Variants in DDHD1 observed in about 807,000 individuals in gnomAD.
The protein encoded by DDHD1 is DDHD domain containing 1.
In DDHD1, 49 loss-of-function variants were observed where a neutral mutation model predicts 96.4. The ratio of observed to expected loss-of-function variants is 0.51; its 90% confidence interval spans 0.40 to 0.64. DDHD1 has a LOEUF of 0.64. Among genes scored for constraint, DDHD1 ranks in the 30% least tolerant of loss-of-function variants. DDHD1 has a pLI of 0.00. For synonymous variants in DDHD1, 442 were observed against 446.5 expected, an observed-to-expected ratio of 0.99 and a Z score of 0.13; for missense variants, 1,106 against 1,161.2, an observed-to-expected ratio of 0.95 and a Z score of 0.69.
chr14:53,142,107 T>C (rs1212598607), intron 1 of DDHD1, among the ~76,000 whole-genome samples: 1 of 152,110 alleles, frequency 6.6e-6, no homozygotes, highest in Non-Finnish European at 1.5e-5. Flanking sequence ...TGATCCCCAT[T>C]TACAAAGGAG....
At chr14:53,091,993 ATGTT>A in intron 3 of DDHD1, 61 bp from the exon 4 acceptor site, 1 of 1,490,740 alleles carries the variant, frequency 6.7e-7, no homozygotes, top group South Asian at 1.3e-5. Flanking sequence ...TTTCCACAAT[ATGTT>A]AAAAGAAAAA....
At position 53,094,168 on chromosome 14, in the gene DDHD1, C is replaced by T. The variant is rs577536502; in HGVS notation, c.1013-724G>A. Among the ~76,000 whole-genome samples, 9 of 149,868 alleles carry T rather than the reference C, an allele frequency of 6.0e-5. No individual in the cohort carries two copies. The South Asian group carries it at 1.9e-3, about 31-fold the overall frequency. ...CTCCCGCCTGGGCTACAGAGCAAGACTCCGTCTAAAAAAAAAAAAGAAAAA... is the reference window on the plus strand; with the variant it reads ...CTCCCGCCTGGGCTACAGAGCAAGATTCCGTCTAAAAAAAAAAAAGAAAAA... On this transcript the variant is annotated intron_variant, in intron 2 of 12. Transcript: ENST00000673822.
At position 53,114,130 on chromosome 14, in the gene DDHD1, AGCGGG is replaced by A. The variant is rs1888358386; in HGVS notation, c.839-10279_839-10275del. On this transcript the variant is annotated intron_variant, in intron 1 of 12. Transcript: ENST00000673822. ...GTCTGGACTGGGCGGAATTCACCACAGCGGGGCAAAGCGGCTGTCACCAGACTGCC... is the reference window on the plus strand; with the variant it reads ...GTCTGGACTGGGCGGAATTCACCACAGCAAAGCGGCTGTCACCAGACTGCC... Among the ~76,000 whole-genome samples the A allele has an allele frequency of 5.9e-5, 9 of 152,324 alleles. No homozygotes were observed. The South Asian group carries it at 1.9e-3, about 32-fold the overall frequency.
intron 1 of DDHD1, among the ~76,000 whole-genome samples, chr14:53,139,174 T>C (rs975953983): frequency 1.3e-5 from 2 of 151,450 alleles, no homozygotes; most frequent in East Asian, 1.9e-4. Flanking sequence ...AGAACATTCA[T>C]GGCTGGGGTC....
At chr14:53,133,754 T>C (rs542032074) in intron 1 of DDHD1, among the ~76,000 whole-genome samples, 2 of 152,252 alleles carry the variant, frequency 1.3e-5, no homozygotes, top group African/African-American at 2.4e-5. Flanking sequence ...TCCAGCAAGC[T>C]ACACAGGAAA....
intron 1 of DDHD1, among the ~76,000 whole-genome samples, chr14:53,121,174 G>GA (rs372752068): frequency 2.4e-4 from 37 of 151,798 alleles, no homozygotes; most frequent in African/African-American, 8.0e-4. Context: ...CAAAAAACAT[G>GA]AAAAAAAAGT....
In DDHD1 at chr14:53,080,122, G is replaced by C. The variant is rs184528248; in HGVS notation, c.1290-6275C>G. Among the ~76,000 whole-genome samples, 947 of 152,292 alleles carry C rather than the reference G, an allele frequency of 6.2e-3. 17 individuals carry two copies. Among genetic ancestry groups the C allele is most frequent in the African/African-American group, 0.022 (899 of 41,552 alleles). On this transcript the variant is annotated intron_variant, in intron 4 of 12. Transcript: ENST00000673822. The stretch of plus-strand genomic sequence containing the variant: ...CGCCTGTAATCCCAGCACTTTGGGA[G>C]GCCAAGGCAGGCAGATCACTTGAGG...
chr14:53,142,659 G>A (rs1002829602), intron 1 of DDHD1, among the ~76,000 whole-genome samples: 1 of 152,200 alleles, frequency 6.6e-6, no homozygotes, highest in African/African-American at 2.4e-5. Context: ...AGATGCTCAA[G>A]AATTTAGAAT....
intron 1 of DDHD1, among the ~76,000 whole-genome samples, chr14:53,149,373 A>G (rs560228145): frequency 3.3e-4 from 50 of 152,222 alleles, no homozygotes; most frequent in Non-Finnish European, 6.3e-4. Context: ...CACTAACCAG[A>G]CAGTTTCCAA....
intron 1 of DDHD1, among the ~76,000 whole-genome samples, chr14:53,109,633 G>A (rs927049653): frequency 6.6e-6 from 1 of 152,094 alleles, no homozygotes; most frequent in Non-Finnish European, 1.5e-5. Context: ...TACAGCTTTT[G>A]GGGAGGACAT....
In DDHD1 at chr14:53,038,473, T is replaced by G. The variant is rs1030769437; in HGVS notation, c.*8295A>C. ...TACACCTAACCAAGGAGGTGAAAGA[T>G]CTCTACAAGGAGAACTACAAAACAT... On this transcript the variant is annotated 3_prime_UTR_variant, in exon 13 of 13. Coordinates refer to ENST00000673822, the MANE Select transcript of DDHD1 (RefSeq NM_001160148.2). 1 of 151,892 alleles carries G rather than the reference T, an allele frequency of 6.6e-6. No individual in the cohort carries two copies. Among genetic ancestry groups the G allele is most frequent in the Non-Finnish European group, 1.5e-5 (1 of 67,978 alleles). 9.4% of individuals were successfully genotyped at this position (151,892 alleles called of 1,614,324 possible).
At chr14:53,047,851 C>A (rs914741092) in intron 12 of DDHD1, among the ~76,000 whole-genome samples, 32 of 152,178 alleles carry the variant, frequency 2.1e-4, no homozygotes, top group Non-Finnish European at 7.3e-5. Context: ...TCCTTAGGAA[C>A]TCCTTTAAAC....
At chr14:53,095,798 T>A (rs1319722865) in intron 2 of DDHD1, among the ~76,000 whole-genome samples, 1 of 152,188 alleles carries the variant, frequency 6.6e-6, no homozygotes, top group Non-Finnish European at 1.5e-5. Flanking sequence ...AAAATAGTTG[T>A]GAGCAACAGA....
chr14:53,058,244 C>G (rs1263411441), intron 9 of DDHD1, among the ~76,000 whole-genome samples: 1 of 152,184 alleles, frequency 6.6e-6, no homozygotes, highest in African/African-American at 2.4e-5. Context: ...TCAAGTGATT[C>G]TCCTGCCTTA....
At chr14:53,122,974 A>G (rs1478920227) in intron 1 of DDHD1, among the ~76,000 whole-genome samples, 1 of 152,056 alleles carries the variant, frequency 6.6e-6, no homozygotes, top group Non-Finnish European at 1.5e-5. Context: ...ATAGTTAACA[A>G]AACTATAATG....
At chr14:53,068,939 C>T (rs1191073143) in intron 6 of DDHD1, among the ~76,000 whole-genome samples, 6 of 152,186 alleles carry the variant, frequency 3.9e-5, no homozygotes, top group African/African-American at 1.4e-4. Context: ...TCCAGGATTC[C>T]CTCCATCAGT....
intron 1 of DDHD1, among the ~76,000 whole-genome samples, chr14:53,144,088 C>A (rs1267418405): frequency 6.6e-6 from 1 of 152,154 alleles, no homozygotes; most frequent in Non-Finnish European, 1.5e-5. Flanking sequence ...ATAGTAGCAC[C>A]TTTCTCCCCT....
intron 2 of DDHD1, among the ~76,000 whole-genome samples, chr14:53,094,667 C>T (rs1886723798): frequency 6.7e-6 from 1 of 149,000 alleles, no homozygotes; most frequent in African/African-American, 2.5e-5. Context: ...ATAATGAGAC[C>T]CCGTCTCTTA....
intron 1 of DDHD1, among the ~76,000 whole-genome samples, chr14:53,123,273 A>ACCTT (rs1889153273): frequency 6.6e-6 from 1 of 151,792 alleles, no homozygotes; most frequent in South Asian, 2.1e-4. Context: ...CAGCCTCCCA[A>ACCTT]GTAGCTGGAA....
Sources: allele counts gnomAD v4.1 joint callset (sites outside exome capture counted in the v4.1 genomes callset), GRCh38; gene constraint gnomAD v4.1.1; transcripts MANE v1.5; gene names NCBI Gene and HGNC (gene_info 2026-07-23, HGNC 2026-07-21).